Variants in KHDRBS2 observed in about 807,000 individuals in gnomAD.
KHDRBS2 encodes KH domain-containing, RNA-binding, signal transduction-associated protein 2.
In KHDRBS2, 26 loss-of-function variants were observed where a neutral mutation model predicts 44.3. That is an observed-to-expected ratio of 0.59 (90% confidence interval 0.43 to 0.81). KHDRBS2 has a LOEUF of 0.81. Ranked by LOEUF, KHDRBS2 falls within the 40% of genes least tolerant of loss-of-function variation. KHDRBS2 has a pLI of 0.00. For synonymous variants in KHDRBS2, 194 were observed against 151.1 expected (o/e 1.28, Z -2.08); for missense variants, 476 against 433.1 (o/e 1.10, Z -0.88).
At chr6:61,570,607 G>A in the KHDRBS2 span, among the ~76,000 whole-genome samples, 2 of 151,976 alleles carry the variant, frequency 1.3e-5, no homozygotes, top group African/African-American at 4.8e-5. Context: ...TCATCACCCA[G>A]GCACATAGTC....
intron 3 of KHDRBS2, among the ~76,000 whole-genome samples, chr6:61,993,669 A>ATG (rs1776584960): frequency 1.6e-5 from 2 of 122,260 alleles, no homozygotes; most frequent in African/African-American, 2.9e-5. Context: ...ATATATATAT[A>ATG]TATATTTTTT....
intron 1 of KHDRBS2, among the ~76,000 whole-genome samples, chr6:62,186,053 C>T (rs1465177238): frequency 1.3e-5 from 2 of 152,002 alleles, no homozygotes; most frequent in African/African-American, 4.8e-5. Context: ...CTAGTATATT[C>T]TTAAGAATGC....
chr6:62,020,903 C>A (rs9354519), intron 3 of KHDRBS2, among the ~76,000 whole-genome samples: 84 of 151,906 alleles, frequency 5.5e-4, no homozygotes, highest in African/African-American at 2.0e-3. Context: ...TAATACAAAC[C>A]GTTGTATCAT....
At chr6:61,628,576 T>C in the KHDRBS2 span, among the ~76,000 whole-genome samples, 7 of 152,152 alleles carry the variant, frequency 4.6e-5, no homozygotes, top group East Asian at 1.4e-3. Context: ...TCTCAAACAC[T>C]ATGGATCCAT....
chr6:61,734,279 T>C (rs1453887707), intron 6 of KHDRBS2, among the ~76,000 whole-genome samples: 1 of 152,130 alleles, frequency 6.6e-6, no homozygotes, highest in Non-Finnish European at 1.5e-5. Context: ...TTAGTTGCTA[T>C]TGAGTTAAAT....
chr6:61,642,961 C>T, the KHDRBS2 span, among the ~76,000 whole-genome samples: 9 of 152,134 alleles, frequency 5.9e-5, no homozygotes, highest in Non-Finnish European at 1.0e-4. Context: ...GTGGTTTTTA[C>T]ATCCAGTGCC....
chr6:62,111,563 C>T (rs1047064836), intron 2 of KHDRBS2, among the ~76,000 whole-genome samples: 32 of 152,086 alleles, frequency 2.1e-4, no homozygotes, highest in Non-Finnish European at 4.4e-4. Context: ...AAGTGATTCT[C>T]AAACTCTAGT....
intron 3 of KHDRBS2, among the ~76,000 whole-genome samples, chr6:62,025,424 A>G (rs1006800944): frequency 2.0e-5 from 3 of 151,818 alleles, no homozygotes; most frequent in Admixed American, 2.0e-4. Context: ...ATTTTTTTAA[A>G]TTAGAATATA....
rs1779365763 is a variant in KHDRBS2 at position 62,007,012 on chromosome 6, T to C, written c.337-28800A>G. The stretch of plus-strand genomic sequence containing the variant: ...TATTAACCAAAATAAAACTTGTACG[T>C]ATGTGTGTGTGTACATACATCTACA... On this transcript the variant is annotated intron_variant, in intron 3 of 8. Coordinates refer to ENST00000281156, the MANE Select transcript of KHDRBS2 (RefSeq NM_152688.4). 3.3e-5 allele frequency among the ~76,000 whole-genome samples: 5 copies of C among 152,224 alleles called. No homozygotes were observed. The South Asian group carries it at 1.0e-3, about 32-fold the overall frequency.
At chr6:62,242,545 G>A (rs531989745) in intron 1 of KHDRBS2, among the ~76,000 whole-genome samples, 2 of 151,842 alleles carry the variant, frequency 1.3e-5, no homozygotes, top group Non-Finnish European at 2.9e-5. Context: ...ATATTATCCA[G>A]GATGAAAACC....
intron 2 of KHDRBS2, among the ~76,000 whole-genome samples, chr6:62,061,320 C>T (rs1436995734): frequency 6.6e-6 from 1 of 151,494 alleles, no homozygotes; most frequent in Non-Finnish European, 1.5e-5. Context: ...ACCGGTTGTT[C>T]CTTTCCATGT....
chr6:61,859,903 G>T (rs1796675441), intron 6 of KHDRBS2, among the ~76,000 whole-genome samples: 2 of 151,890 alleles, frequency 1.3e-5, no homozygotes, highest in South Asian at 4.1e-4. Context: ...CATATTAAAA[G>T]AAATAAATTG....
intron 6 of KHDRBS2, among the ~76,000 whole-genome samples, chr6:61,872,909 GT>G (rs2127306041): frequency 6.6e-6 from 1 of 152,194 alleles, no homozygotes; most frequent in African/African-American, 2.4e-5. Flanking sequence ...ATATGAGATG[GT>G]TTTGCACATT....
chr6:61,609,258 C>T, the KHDRBS2 span, among the ~76,000 whole-genome samples: 1 of 152,200 alleles, frequency 6.6e-6, no homozygotes, highest in Non-Finnish European at 1.5e-5. Flanking sequence ...ACTCAGGAGG[C>T]TGAGGCAGAG....
chr6:62,217,557 A>C (rs1200413448), intron 1 of KHDRBS2, among the ~76,000 whole-genome samples: 4 of 151,854 alleles, frequency 2.6e-5, no homozygotes, highest in Non-Finnish European at 5.9e-5. Flanking sequence ...AATACTGAAG[A>C]AGCAGCAGAG....
At chr6:61,639,525 T>C in the KHDRBS2 span, among the ~76,000 whole-genome samples, 1 of 152,228 alleles carries the variant, frequency 6.6e-6, no homozygotes. Flanking sequence ...TCTCACATGC[T>C]AACTCTTCCA....
At position 61,732,697 on chromosome 6, in the gene KHDRBS2, G is replaced by A. The variant is rs201333575; in HGVS notation, c.878C>T (p.Ala293Val). The part of the protein sequence containing the change: ...QTYETYDNSY[A>V]TQTQSVPEYY... ...AATGCCTTACCTTTGTGTTTGGGTC[G>A]CATAGCTGTTATCATAAGTCTCATA... Residue 293 changes from alanine (A) to valine (V), a missense_variant, in exon 7 of 9, where the codon GCG (alanine) becomes GTG (valine). Transcript: ENST00000281156. The A allele has an allele frequency of 1.5e-4, 243 of 1,605,580 alleles. 1 individual carries two copies. The highest frequency in any genetic ancestry group is 1.8e-4 in the Non-Finnish European group (211 of 1,172,542).
chr6:62,037,522 A>C (rs1785539940), intron 3 of KHDRBS2, among the ~76,000 whole-genome samples: 1 of 152,038 alleles, frequency 6.6e-6, no homozygotes, highest in South Asian at 2.1e-4. Context: ...GTTTAATGAT[A>C]GAAATAAAAT....
Position 62,276,353 on chromosome 6 carries a change from C to T in KHDRBS2, c.91+9505G>A, listed in dbSNP as rs144162321. Among the ~76,000 whole-genome samples the T allele has an allele frequency of 2.0e-3, 305 of 152,232 alleles. 1 individual carries two copies. The highest frequency in any genetic ancestry group is 2.3e-3 in the Non-Finnish European group (158 of 67,994). ...CTCACTTCTAAATGTTAAACAAAACCCTGACTGCCTCAAGACCCAAGAGAG... is the reference window on the plus strand; with the variant it reads ...CTCACTTCTAAATGTTAAACAAAACTCTGACTGCCTCAAGACCCAAGAGAG... On this transcript the variant is annotated intron_variant, in intron 1 of 8. Coordinates refer to ENST00000281156, the MANE Select transcript of KHDRBS2 (RefSeq NM_152688.4).
Sources: allele counts gnomAD v4.1 joint callset (sites outside exome capture counted in the v4.1 genomes callset), GRCh38; gene constraint gnomAD v4.1.1; transcripts MANE v1.5; gene names NCBI Gene and HGNC (gene_info 2026-07-23, HGNC 2026-07-21).